Variants in TMCO4 observed in about 807,000 individuals in gnomAD.
TMCO4 encodes the protein transmembrane and coiled-coil domain-containing protein 4.
Under a neutral mutation model 64.7 loss-of-function variants are expected in TMCO4, and 58 were observed. The observed-to-expected ratio is 0.90, with a 90% confidence interval of 0.73 to 1.12. The LOEUF (loss-of-function observed/expected upper bound fraction) is 1.12. TMCO4 is among the 50% of genes most tolerant of loss of function. The pLI is 0.00. For synonymous variants in TMCO4, 325 were observed against 346.1 expected, an observed-to-expected ratio of 0.94 and a Z score of 0.68; for missense variants, 780 against 825.9, an observed-to-expected ratio of 0.94 and a Z score of 0.68.
chr1:19,704,718 T>C lies in TMCO4; in HGVS notation c.1265-3833A>G, dbSNP rs544709240. The stretch of plus-strand genomic sequence containing the variant: ...CGGCTGCCTGCAGGGCTGGGACCCC[T>C]TGTGGCCAGCGGTGGTAATAGCAGC... On this transcript the variant is annotated intron_variant, in intron 13 of 15. Coordinates refer to ENST00000294543, the MANE Select transcript of TMCO4 (RefSeq NM_181719.7). 3.3e-5 allele frequency among the ~76,000 whole-genome samples: 5 copies of C among 152,296 alleles called. No homozygotes were observed. The East Asian group carries it at 5.8e-4, about 18-fold the overall frequency.
At chr1:19,775,841 C>G (rs1303398418) in intron 4 of TMCO4, among the ~76,000 whole-genome samples, 1 of 152,218 alleles carries the variant, frequency 6.6e-6, no homozygotes, top group African/African-American at 2.4e-5. Flanking sequence ...AACGGCCACA[C>G]AGTGTTTTCT....
At chr1:19,702,163 G>A (rs1206698789) in intron 13 of TMCO4, among the ~76,000 whole-genome samples, 2 of 151,610 alleles carry the variant, frequency 1.3e-5, no homozygotes, top group African/African-American at 2.4e-5. Flanking sequence ...TAGAGACAGG[G>A]TTTCACTGTG....
chr1:19,747,671 G>A (rs1254771272), intron 7 of TMCO4, among the ~76,000 whole-genome samples: 2 of 151,984 alleles, frequency 1.3e-5, no homozygotes, highest in Non-Finnish European at 1.5e-5. Flanking sequence ...ACCTCCCTCT[G>A]GGATATTTGG....
At chr1:19,718,798 C>T (rs1161362007) in intron 13 of TMCO4, among the ~76,000 whole-genome samples, 1 of 152,104 alleles carries the variant, frequency 6.6e-6, no homozygotes, top group Non-Finnish European at 1.5e-5. Flanking sequence ...CACCAGCTCC[C>T]TGGTGTATTT....
intron 15 of TMCO4, among the ~76,000 whole-genome samples, chr1:19,685,498 G>C (rs1374761247): frequency 6.6e-6 from 1 of 152,182 alleles, no homozygotes; most frequent in African/African-American, 2.4e-5. Context: ...GGGTGTGATT[G>C]AAATGCCTGA....
intron 13 of TMCO4, among the ~76,000 whole-genome samples, chr1:19,703,226 G>A (rs1367627243): frequency 1.3e-5 from 2 of 152,216 alleles, no homozygotes; most frequent in East Asian, 1.9e-4. Flanking sequence ...AGCCACTTCC[G>A]AGCTATGTGA....
At chr1:19,737,590 C>A in intron 12 of TMCO4, 134 bp from the exon 13 acceptor site, 1 of 695,800 alleles carries the variant, frequency 1.4e-6, no homozygotes. Context: ...TGTGCTGTTC[C>A]GGTCCCTGAG....
chr1:19,688,499 T>C (rs1249527684), intron 15 of TMCO4, among the ~76,000 whole-genome samples: 7 of 152,168 alleles, frequency 4.6e-5, no homozygotes, highest in Non-Finnish European at 1.0e-4. Context: ...AATTTCCTCA[T>C]GTATAAAATG....
chr1:19,689,353 T>C (rs1411422926), intron 15 of TMCO4, among the ~76,000 whole-genome samples: 1 of 152,108 alleles, frequency 6.6e-6, no homozygotes, highest in Non-Finnish European at 1.5e-5. Flanking sequence ...GAAGACAGCC[T>C]GAGGAGGGAG....
rs2095113222 is a variant in TMCO4 at position 19,682,900 on chromosome 1, C to G, written c.*140G>C. ...ATTCCCCTTCCTTCCATTTCCTTTC[C>G]CTTTCAGTTCCAATTCCTTCCATTT... is the stretch of plus-strand genomic sequence containing the variant. On this transcript the variant is annotated 3_prime_UTR_variant, in exon 16 of 16. Transcript: ENST00000294543. 8.3e-7 allele frequency: 1 copy of G among 1,201,580 alleles called. No homozygotes were observed. Among genetic ancestry groups the G allele is most frequent in the South Asian group, 1.5e-5 (1 of 68,316 alleles). The allele number at this position is 1,201,580 out of a possible 1,614,324, so 74.4% of individuals were successfully genotyped here.
chr1:19,751,731 T>C (rs2042026218), intron 7 of TMCO4, among the ~76,000 whole-genome samples: 1 of 152,214 alleles, frequency 6.6e-6, no homozygotes, highest in Non-Finnish European at 1.5e-5. Context: ...TATTTCCCTG[T>C]TTAAGTATTT....
intron 2 of TMCO4, among the ~76,000 whole-genome samples, chr1:19,787,919 C>T (rs1421585209): frequency 6.6e-6 from 1 of 152,062 alleles, no homozygotes; most frequent in Non-Finnish European, 1.5e-5. Flanking sequence ...CCATGCCTGG[C>T]TAATTTTTCA....
intron 10 of TMCO4, 111 bp downstream of exon 10, chr1:19,745,421 G>C: frequency 6.6e-7 from 1 of 1,516,090 alleles, no homozygotes. Context: ...CTTCCTCTGC[G>C]AAATGGGGCT....
At chr1:19,741,726 TTTTC>T (rs202128832) in intron 10 of TMCO4, among the ~76,000 whole-genome samples, 114 of 144,222 alleles carry the variant, frequency 7.9e-4, no homozygotes, top group Admixed American at 3.5e-3. Context: ...GTGGCTTTTC[TTTTC>T]TTTCTTTCTT....
intron 13 of TMCO4, among the ~76,000 whole-genome samples, chr1:19,701,564 GTCTC>G (rs1396314866): frequency 6.6e-6 from 1 of 152,102 alleles, no homozygotes; most frequent in African/African-American, 2.4e-5. Flanking sequence ...TGGAACCCAG[GTCTC>G]TCTCCACCAC....
At chr1:19,733,637 A>G (rs1008322692) in intron 13 of TMCO4, among the ~76,000 whole-genome samples, 12 of 152,238 alleles carry the variant, frequency 7.9e-5, no homozygotes, top group African/African-American at 2.4e-4. Flanking sequence ...GGCCTCATAT[A>G]TATATTTTGG....
chr1:19,760,841 G>C (rs1420709780), intron 6 of TMCO4, among the ~76,000 whole-genome samples: 3 of 152,262 alleles, frequency 2.0e-5, no homozygotes, highest in African/African-American at 7.2e-5. Context: ...TTGTACGTAA[G>C]AGGAATGGAA....
intron 2 of TMCO4, among the ~76,000 whole-genome samples, chr1:19,788,371 C>T (rs1285994031): frequency 6.6e-6 from 1 of 151,936 alleles, no homozygotes; most frequent in Non-Finnish European, 1.5e-5. Flanking sequence ...CGCTTTTGAA[C>T]TCTCTAGAAA....
chr1:19,701,530 A>G (rs2095272273), intron 13 of TMCO4, among the ~76,000 whole-genome samples: 2 of 152,176 alleles, frequency 1.3e-5, no homozygotes. Context: ...TCACATGGCT[A>G]ATAAGTTCCA....
Sources: gnomAD v4.1 joint callset for allele counts (sites outside exome capture counted in the v4.1 genomes callset) on GRCh38, gnomAD v4.1.1 for gene constraint, MANE v1.5 for transcripts, NCBI Gene and HGNC (gene_info 2026-07-23, HGNC 2026-07-21) for gene names.